Variants in AVEN observed in about 807,000 individuals in gnomAD.
AVEN encodes apoptosis and caspase activation inhibitor, also known as cell death regulator Aven.
A neutral mutation model predicts 38.1 loss-of-function variants in AVEN; 41 were observed. That is an observed-to-expected ratio of 1.08 (90% CI 0.84 to 1.40). AVEN has a LOEUF of 1.40. Ranked by LOEUF, AVEN falls within the 40% of genes most tolerant of loss-of-function variation. The pLI is 0.00. For synonymous variants in AVEN, 206 were observed against 171.8 expected (o/e 1.20, Z -1.56); for missense variants, 605 against 438.8 (o/e 1.38, Z -3.38).
At position 34,038,821 on chromosome 15, in the gene AVEN, G is replaced by C; in HGVS notation, c.226C>G (p.Arg76Gly). Residue 76 changes from arginine (R) to glycine (G), a missense_variant, in exon 1 of 6, where the codon CGC becomes GGC. Transcript: ENST00000306730. The part of the protein sequence containing the change: ...RGGGGAPRGS[R>G]REPGGWGAGA... ...GCGCCCCAGCCTCCCGGCTCCCGGC[G>C]GCTGCCTCGCGGGGCGCCTCCTCCT... 1 of 1,192,076 alleles carries C rather than the reference G, an allele frequency of 8.4e-7. No individual in the cohort carries two copies. The highest frequency in any genetic ancestry group is 1.0e-6 in the Non-Finnish European group (1 of 962,474). The allele number at this position is 1,192,076 out of a possible 1,614,324, so 73.8% of individuals were successfully genotyped here.
In AVEN at chr15:34,063,860, C is replaced by A; in HGVS notation, n.1127-428G>T. On this transcript the variant is annotated intron_variant and non_coding_transcript_variant, in intron 4 of 11. Transcript: ENST00000675287. This position sits in a 1 kb window ranked among gnomAD's most constrained non-coding sequence, Gnocchi z 4.1. ...GTCAGAAATGTGTGGCCTATAAGTT[C>A]CGATTGGTGGTAAAAGCTGACGGGA... The A allele has an allele frequency of 6.2e-7, 1 of 1,614,126 alleles. No individual in the cohort carries two copies. Among genetic ancestry groups the A allele is most frequent in the Non-Finnish European group, 8.5e-7 (1 of 1,180,014 alleles).
intron 2 of AVEN, among the ~76,000 whole-genome samples, chr15:33,978,614 G>T (rs551975799): frequency 6.6e-6 from 1 of 152,174 alleles, no homozygotes; most frequent in South Asian, 2.1e-4. Flanking sequence ...AATTAGCCAA[G>T]ATTACGCCAC....
At chr15:33,900,526 C>T (rs141514565) in intron 2 of AVEN, among the ~76,000 whole-genome samples, 188 of 151,954 alleles carry the variant, frequency 1.2e-3, no homozygotes, top group African/African-American at 4.4e-3. Context: ...CAGGCTGGTT[C>T]AAACTCCTGG....
intron 2 of AVEN, among the ~76,000 whole-genome samples, chr15:33,978,413 C>A (rs1190744336): frequency 6.6e-6 from 1 of 152,166 alleles, no homozygotes. Flanking sequence ...CCTGTAATCC[C>A]AGCACTTTAG....
At chr15:34,027,665 C>T (rs909720313) in intron 1 of AVEN, among the ~76,000 whole-genome samples, 2 of 152,064 alleles carry the variant, frequency 1.3e-5, no homozygotes, top group Non-Finnish European at 2.9e-5. Context: ...ATTTGACCTC[C>T]CTGACAGCTC....
At position 34,015,399 on chromosome 15, in the gene AVEN, G is replaced by A. The variant is rs150087154; in HGVS notation, c.268-12190C>T. Among the ~76,000 whole-genome samples, 235 of 151,998 alleles carry A rather than the reference G, an allele frequency of 1.5e-3. 1 individual carries two copies. The highest frequency in any genetic ancestry group is 5.4e-3 in the African/African-American group (225 of 41,448). On this transcript the variant is annotated intron_variant, in intron 1 of 5. Transcript: ENST00000306730. Reference sequence around the variant, plus strand: ...CGGGAGGCTGAGGCAGGAGAATAGCGTGAACCCGGGAGGCGGAGCTTGCAG... The same window carrying A: ...CGGGAGGCTGAGGCAGGAGAATAGCATGAACCCGGGAGGCGGAGCTTGCAG...
downstream of AVEN, chr15:33,857,723 C>A (rs906780494): frequency 5.6e-6 from 9 of 1,603,130 alleles, no homozygotes; most frequent in Admixed American, 1.5e-4. Flanking sequence ...CTCCTGTGAA[C>A]CTTTCAAGGT....
chr15:33,961,547 C>T (rs1299384940), intron 2 of AVEN, among the ~76,000 whole-genome samples: 4 of 151,796 alleles, frequency 2.6e-5, no homozygotes, highest in South Asian at 2.1e-4. Flanking sequence ...GGTGAGGTGG[C>T]TCATGCCTGT....
intron 2 of AVEN, among the ~76,000 whole-genome samples, chr15:33,891,976 A>G (rs1049142301): frequency 2.0e-5 from 3 of 152,178 alleles, no homozygotes; most frequent in Non-Finnish European, 4.4e-5. Context: ...TTCTCTGATG[A>G]CCAGTGATGA....
downstream of AVEN, among the ~76,000 whole-genome samples, chr15:33,861,457 T>A (rs1476926268): frequency 6.6e-6 from 1 of 150,978 alleles, no homozygotes; most frequent in Non-Finnish European, 1.5e-5. Flanking sequence ...CTACTGGACT[T>A]CTTCTATCAC....
At position 33,867,784 on chromosome 15, in the gene AVEN, C is replaced by A; in HGVS notation, c.684G>T (p.Gln228His). ...RTDDGKGLGM[Q>H]LKGPLGPGGR... ...CTCCAGGCCCCAAGGGCCCCTTTAA[C>A]TGCATCCCTAATCCCTTGCCATCAT... Residue 228 changes from glutamine (Q) to histidine (H), a missense_variant, in exon 5 of 6, where the codon CAG (glutamine) becomes CAT (histidine). By Grantham distance (24) the Gln-to-His change is conservative (BLOSUM62 0). Transcript: ENST00000306730. The A allele has an allele frequency of 2.5e-6, 4 of 1,614,036 alleles. No individual in the cohort carries two copies. The highest frequency in any genetic ancestry group is 3.4e-6 in the Non-Finnish European group (4 of 1,179,942).
chr15:33,936,823 A>C (rs953182100), intron 2 of AVEN, among the ~76,000 whole-genome samples: 2 of 152,236 alleles, frequency 1.3e-5, no homozygotes, highest in African/African-American at 4.8e-5. Context: ...AAGACAAAGC[A>C]GTGATCAAAA....
intron 5 of AVEN, among the ~76,000 whole-genome samples, chr15:34,052,099 T>C (rs1021821476): frequency 6.6e-6 from 1 of 151,364 alleles, no homozygotes. Flanking sequence ...AAATCCTCAA[T>C]GAAATACTGG....
chr15:33,857,931 T>C (rs2079867122), downstream of AVEN: 2 of 1,379,780 alleles, frequency 1.4e-6, no homozygotes, highest in Non-Finnish European at 1.9e-6. Flanking sequence ...GCCCACCCAC[T>C]GCGGGGCCAG....
chr15:33,937,889 T>C (rs569004020), intron 2 of AVEN, among the ~76,000 whole-genome samples: 114 of 136,642 alleles, frequency 8.3e-4, no homozygotes, highest in Middle Eastern at 4.2e-3. Flanking sequence ...ATCCAGTATA[T>C]GGTATTTACA....
chr15:33,878,071 C>A (rs114356446), intron 2 of AVEN, among the ~76,000 whole-genome samples: 2,407 of 152,080 alleles, frequency 0.016, 69 homozygotes, highest in African/African-American at 0.054. Context: ...AGAAACTTTA[C>A]AAAATAAAAC....
chr15:34,036,539 G>A (rs1379443601), intron 1 of AVEN, among the ~76,000 whole-genome samples: 1 of 152,168 alleles, frequency 6.6e-6, no homozygotes, highest in Admixed American at 6.6e-5. Flanking sequence ...CTTGTCTCAT[G>A]TAATGGTTAA....
chr15:34,056,344 C>T (rs1479093087), intron 5 of AVEN, among the ~76,000 whole-genome samples: 1 of 152,178 alleles, frequency 6.6e-6, no homozygotes, highest in Non-Finnish European at 1.5e-5. Flanking sequence ...CTACTCCATA[C>T]TCCTAGTTCA....
chr15:33,980,254 G>A (rs1027620948), intron 2 of AVEN, among the ~76,000 whole-genome samples: 1 of 148,932 alleles, frequency 6.7e-6, no homozygotes, highest in African/African-American at 2.4e-5. Flanking sequence ...TGACAGACAT[G>A]CACACTCCCA....
Sources: allele counts gnomAD v4.1 joint callset (sites outside exome capture counted in the v4.1 genomes callset), GRCh38; gene constraint gnomAD v4.1.1; non-coding constraint Gnocchi (gnomAD v3.1); transcripts MANE v1.5; gene names NCBI Gene and HGNC (gene_info 2026-07-23, HGNC 2026-07-21).